Variants in SVIL observed in about 807,000 individuals in gnomAD.
SVIL encodes the protein supervillin.
SVIL carries 101 observed loss-of-function variants against 240.4 expected under a neutral mutation model. The ratio of observed to expected loss-of-function variants is 0.42; its 90% CI spans 0.36 to 0.50. SVIL has a LOEUF of 0.50. Ranked by LOEUF, SVIL falls within the 20% of genes least tolerant of loss-of-function variation. The pLI is 0.01. For synonymous variants in SVIL, 999 were observed against 1,100.0 expected, an observed-to-expected ratio of 0.91 and a Z score of 1.82; for missense variants, 2,512 against 2,818.7, an observed-to-expected ratio of 0.89 and a Z score of 2.46.
At chr10:29,621,848 A>C (rs1032328116) in intron 1 of SVIL, among the ~76,000 whole-genome samples, 4 of 152,132 alleles carry the variant, frequency 2.6e-5, no homozygotes, top group African/African-American at 9.7e-5. Flanking sequence ...ACACACATAC[A>C]AACACACACA....
chr10:29,588,382 G>A (rs1024582485), intron 1 of SVIL, among the ~76,000 whole-genome samples: 10 of 151,726 alleles, frequency 6.6e-5, no homozygotes, highest in South Asian at 2.1e-4. Flanking sequence ...TGTCCAGTGC[G>A]GACTCTCTTC....
intron 1 of SVIL, among the ~76,000 whole-genome samples, chr10:29,588,846 AG>A (rs1490115972): frequency 1.3e-5 from 2 of 152,212 alleles, no homozygotes; most frequent in Non-Finnish European, 2.9e-5. Flanking sequence ...TGTAAAATGT[AG>A]ATTCACAGAA....
rs558083912 is a variant in SVIL, at chr10:29,665,534, G to T, written c.-300-7466C>A. On this transcript the variant is annotated intron_variant, in intron 2 of 35. Transcript: ENST00000375400. ...CTGCTGGCCAGGCACAGTGGCTCACGTCTGTAATCCCAGCACTTTGGGAGG... is the reference window on the plus strand; with the variant it reads ...CTGCTGGCCAGGCACAGTGGCTCACTTCTGTAATCCCAGCACTTTGGGAGG... Among the ~76,000 whole-genome samples, 4 of 152,232 alleles carry T rather than the reference G, an allele frequency of 2.6e-5. No individual in the cohort carries two copies. In the South Asian group the frequency reaches 8.3e-4, roughly 32 times the overall value.
At position 29,493,267 on chromosome 10, in the gene SVIL, ACTT is replaced by A. The variant is rs1406699757; in HGVS notation, c.3963_3965del (p.Arg1321del). The A allele has an allele frequency of 6.2e-7, 1 of 1,613,956 alleles. No individual in the cohort carries two copies. The highest frequency in any genetic ancestry group is 1.3e-5 in the African/African-American group (1 of 74,884). On this transcript the variant is annotated inframe_deletion, in exon 21 of 38. Transcript: ENST00000355867. ...CGAAGTCCTCATCCATCTCCACAGG[ACTT>A]CTTGGCATATTATAATCCACGCTGC...
chr10:29,544,704 G>C lies in SVIL; in HGVS notation c.827+5893C>G, dbSNP rs981646505. On this transcript the variant is annotated intron_variant, in intron 6 of 37. Coordinates refer to ENST00000355867, the MANE Select transcript of SVIL (RefSeq NM_021738.3). Reference sequence around the variant, plus strand: ...GCCCAGGAAGTCAAGGCTGCAGTGAGATTGTGCTACTGCTGCACTCCAGCC... The same window carrying C: ...GCCCAGGAAGTCAAGGCTGCAGTGACATTGTGCTACTGCTGCACTCCAGCC... Among the ~76,000 whole-genome samples the C allele has an allele frequency of 3.6e-4, 49 of 137,170 alleles. 1 individual carries two copies. Among genetic ancestry groups the C allele is most frequent in the Non-Finnish European group, 6.6e-4 (43 of 65,146 alleles). The allele number at this position is 137,170 out of a possible 152,430, so 90.0% of individuals were successfully genotyped here. A position where few individuals can be genotyped will look rare whatever the true frequency, so the allele number is the denominator to read the frequency against.
chr10:29,660,079 G>T (rs1805267117), intron 2 of SVIL, among the ~76,000 whole-genome samples: 1 of 152,216 alleles, frequency 6.6e-6, no homozygotes, highest in African/African-American at 2.4e-5. Context: ...AGCACTTTGG[G>T]AGGCTGAGGC....
At chr10:29,494,601 T>C (rs1384308902) in intron 20 of SVIL, among the ~76,000 whole-genome samples, 3 of 152,254 alleles carry the variant, frequency 2.0e-5, no homozygotes, top group African/African-American at 7.2e-5. Flanking sequence ...TTATTGGAAA[T>C]TGATAACATA....
intron 2 of SVIL, among the ~76,000 whole-genome samples, chr10:29,679,350 G>A (rs1052003707): frequency 6.6e-6 from 1 of 152,176 alleles, no homozygotes; most frequent in Admixed American, 6.5e-5. Flanking sequence ...AGAAGAGAAG[G>A]TGCAGGTAAT....
At chr10:29,464,982 T>C (rs1944722241) in intron 34 of SVIL, among the ~76,000 whole-genome samples, 1 of 152,126 alleles carries the variant, frequency 6.6e-6, no homozygotes. Context: ...TGTGGAGACT[T>C]GGTATGGCAG....
In SVIL at chr10:29,605,648, G is replaced by GT. The variant is rs533675929; in HGVS notation, c.-201+28771dup. On this transcript the variant is annotated intron_variant, in intron 1 of 37. Transcript: ENST00000355867. Reference sequence around the variant, plus strand: ...ATGTGAGTGGCAAATAGTTTTCCTAGTTTTTTTTTTCTCTTTAGTGGGTTT... The same window carrying GT: ...ATGTGAGTGGCAAATAGTTTTCCTAGTTTTTTTTTTTCTCTTTAGTGGGTTT... Among the ~76,000 whole-genome samples, 1,442 of 145,664 alleles carry GT rather than the reference G, an allele frequency of 9.9e-3. 16 individuals are homozygous for GT. Among genetic ancestry groups the GT allele is most frequent in the Non-Finnish European group, 0.013 (879 of 66,240 alleles).
At chr10:29,549,978 T>A (rs1953108039) in intron 6 of SVIL, among the ~76,000 whole-genome samples, 1 of 117,644 alleles carries the variant, frequency 8.5e-6, no homozygotes, top group Non-Finnish European at 1.6e-5. Flanking sequence ...CATATGTAAC[T>A]AACCTGCACA....
At chr10:29,614,916 C>T (rs1232826748) in intron 1 of SVIL, among the ~76,000 whole-genome samples, 2 of 152,140 alleles carry the variant, frequency 1.3e-5, no homozygotes, top group Non-Finnish European at 2.9e-5. Flanking sequence ...GCAAGTGGCG[C>T]TTTTGGTGTT....
intron 1 of SVIL, among the ~76,000 whole-genome samples, chr10:29,616,632 C>T (rs1262373051): frequency 6.6e-6 from 1 of 152,248 alleles, no homozygotes; most frequent in Admixed American, 6.5e-5. Flanking sequence ...CGGAGGATCT[C>T]TGCGCCCACT....
chr10:29,499,510 G>T (rs1948713492), intron 17 of SVIL, among the ~76,000 whole-genome samples: 1 of 152,076 alleles, frequency 6.6e-6, no homozygotes, highest in Non-Finnish European at 1.5e-5. Context: ...ACTGGTTTGG[G>T]GCACTGGAGC....
rs140436726 is a variant in SVIL at position 29,498,277 on chromosome 10, G to C, written c.3664+839C>G. 1.9e-3 allele frequency among the ~76,000 whole-genome samples: 295 copies of C among 152,010 alleles called. 2 individuals are homozygous for C. Among genetic ancestry groups the C allele is most frequent in the African/African-American group, 6.2e-3 (257 of 41,456 alleles). On this transcript the variant is annotated intron_variant, in intron 18 of 37. Coordinates refer to ENST00000355867, the MANE Select transcript of SVIL (RefSeq NM_021738.3). The stretch of plus-strand genomic sequence containing the variant: ...ATTAAAAAGATGAAAAATTAGCCAG[G>C]CATGGTGGTGGCGGCCTGTAATCCC...
intron 2 of SVIL, among the ~76,000 whole-genome samples, chr10:29,665,382 G>A (rs754625080): frequency 1.4e-4 from 22 of 152,098 alleles, no homozygotes; most frequent in Non-Finnish European, 2.5e-4. Flanking sequence ...AGCACCTGGC[G>A]AAGGCAAATA....
chr10:29,707,600 T>C (rs1271967717), intron 1 of SVIL, among the ~76,000 whole-genome samples: 4 of 152,174 alleles, frequency 2.6e-5, no homozygotes, highest in Non-Finnish European at 5.9e-5. Flanking sequence ...GCAGTGGTAA[T>C]AGTGACAGCA....
At chr10:29,462,968 A>T (rs1944439100) in intron 35 of SVIL, among the ~76,000 whole-genome samples, 2 of 152,378 alleles carry the variant, frequency 1.3e-5, no homozygotes, top group South Asian at 4.1e-4. Flanking sequence ...TATATAAAAG[A>T]CTAGAAATTT....
chr10:29,529,175 C>CACAAAA (rs1491188568), intron 12 of SVIL, among the ~76,000 whole-genome samples: 1 of 66,070 alleles, frequency 1.5e-5, no homozygotes, highest in Non-Finnish European at 2.8e-5. Context: ...GACTCTCTCT[C>CACAAAA]AAAAAAAAAA....
Sources: gnomAD v4.1 joint callset for allele counts (sites outside exome capture counted in the v4.1 genomes callset) on GRCh38, gnomAD v4.1.1 for gene constraint, MANE v1.5 for transcripts, NCBI Gene and HGNC (gene_info 2026-07-23, HGNC 2026-07-21) for gene names.